Variants in ZHX2 observed in about 807,000 individuals in gnomAD.
ZHX2 encodes zinc fingers and homeoboxes 2.
Under a neutral mutation model 21.9 loss-of-function variants are expected in ZHX2, and 6 were observed. The observed-to-expected ratio is 0.27, with a 90% CI of 0.15 to 0.54. The LOEUF is 0.54. Ranked by LOEUF, ZHX2 falls within the 20% of genes least tolerant of loss-of-function variation. ZHX2 has a pLI of 0.95. For missense variants in ZHX2, 908 were observed against 1,090.7 expected, an observed-to-expected ratio of 0.83 and a Z score of 2.36; for synonymous variants, 434 against 437.1, an observed-to-expected ratio of 0.99 and a Z score of 0.09.
At chr8:122,785,768 A>T (rs947069898) in intron 1 of ZHX2, among the ~76,000 whole-genome samples, 7 of 152,198 alleles carry the variant, frequency 4.6e-5, no homozygotes, top group Non-Finnish European at 7.4e-5. Context: ...AGCAGTGGAC[A>T]GGTACCCTGG....
chr8:122,946,319 T>C (rs1326144493), intron 2 of ZHX2, among the ~76,000 whole-genome samples: 2 of 152,076 alleles, frequency 1.3e-5, no homozygotes, highest in African/African-American at 4.8e-5. Flanking sequence ...GCCAGGATCA[T>C]CCTTCTAAAG....
At chr8:122,785,013 G>A (rs1202427554) in intron 1 of ZHX2, among the ~76,000 whole-genome samples, 1 of 152,210 alleles carries the variant, frequency 6.6e-6, no homozygotes, top group African/African-American at 2.4e-5. Flanking sequence ...CTGCCCTCTA[G>A]GAGTTTGAGC....
At chr8:122,860,745 A>T (rs781280745) in intron 1 of ZHX2, among the ~76,000 whole-genome samples, 3 of 152,032 alleles carry the variant, frequency 2.0e-5, no homozygotes, top group Non-Finnish European at 4.4e-5. Flanking sequence ...GCTGAAATAT[A>T]TCAGAGAGGG....
chr8:122,964,037 G>A (rs1477700706), intron 3 of ZHX2, among the ~76,000 whole-genome samples: 1 of 152,090 alleles, frequency 6.6e-6, no homozygotes, highest in South Asian at 2.1e-4. Flanking sequence ...ATCAGATCTA[G>A]GAGCTTTTTG....
intron 2 of ZHX2, among the ~76,000 whole-genome samples, chr8:122,918,944 C>T (rs1372552125): frequency 6.8e-6 from 1 of 146,820 alleles, no homozygotes; most frequent in Non-Finnish European, 1.5e-5. Flanking sequence ...AAGACTCCAC[C>T]TCAAAAAAAA....
intron 3 of ZHX2, among the ~76,000 whole-genome samples, chr8:122,958,933 G>A (rs530015283): frequency 6.6e-6 from 1 of 152,204 alleles, no homozygotes; most frequent in Admixed American, 6.5e-5. Flanking sequence ...GGTGAGAAAT[G>A]GACATAGAAA....
chr8:122,967,178 G>A (rs761727263), intron 3 of ZHX2, among the ~76,000 whole-genome samples: 36 of 152,298 alleles, frequency 2.4e-4, no homozygotes, highest in Non-Finnish European at 4.6e-4. Context: ...GTTTGAGTCC[G>A]TTGCTAGAGA....
chr8:122,810,235 C>T (rs1817899823), intron 1 of ZHX2, among the ~76,000 whole-genome samples: 1 of 152,158 alleles, frequency 6.6e-6, no homozygotes, highest in African/African-American at 2.4e-5. Flanking sequence ...CACATAAATG[C>T]CCTTCATCTC....
chr8:122,939,623 T>C (rs567073128), intron 2 of ZHX2, among the ~76,000 whole-genome samples: 2 of 152,076 alleles, frequency 1.3e-5, no homozygotes, highest in African/African-American at 2.4e-5. Flanking sequence ...AAAGAGATGC[T>C]TGGAGATGGA....
chr8:122,929,102 T>C (rs556127701), intron 2 of ZHX2, among the ~76,000 whole-genome samples: 1 of 152,318 alleles, frequency 6.6e-6, no homozygotes, highest in South Asian at 2.1e-4. Context: ...AAAACTGAGA[T>C]TTTCTTTTAC....
chr8:122,914,170 T>C (rs1779552062), intron 2 of ZHX2, among the ~76,000 whole-genome samples: 1 of 152,174 alleles, frequency 6.6e-6, no homozygotes, highest in South Asian at 2.1e-4. Context: ...GAGAAGTCTG[T>C]AGAAGGAAGC....
intron 2 of ZHX2, among the ~76,000 whole-genome samples, chr8:122,907,850 A>G (rs1221425178): frequency 5.3e-5 from 8 of 152,342 alleles, no homozygotes; most frequent in Non-Finnish European, 4.4e-5. Context: ...GGCCACTCCC[A>G]GCCCAGCACC....
intron 2 of ZHX2, among the ~76,000 whole-genome samples, chr8:122,872,589 G>A (rs748635710): frequency 2.2e-4 from 34 of 152,076 alleles, no homozygotes; most frequent in African/African-American, 7.5e-4. Context: ...CTAACCCCCC[G>A]TTCCGTGATA....
chr8:122,913,722 G>A (rs1586384019), intron 2 of ZHX2, among the ~76,000 whole-genome samples: 1 of 152,238 alleles, frequency 6.6e-6, no homozygotes, highest in African/African-American at 2.4e-5. Context: ...CAGCAATGGA[G>A]TTTAAATATG....
At chr8:122,796,926 T>C (rs895228068) in intron 1 of ZHX2, among the ~76,000 whole-genome samples, 3 of 152,230 alleles carry the variant, frequency 2.0e-5, no homozygotes, top group East Asian at 1.9e-4. Context: ...AAGTCCGTGC[T>C]GTCTCCAGTA....
At chr8:122,869,073 C>A (rs1819369902) in intron 2 of ZHX2, among the ~76,000 whole-genome samples, 1 of 152,194 alleles carries the variant, frequency 6.6e-6, no homozygotes, top group African/African-American at 2.4e-5. Context: ...TGGCCTGCAA[C>A]CTGGTGAGCT....
chr8:122,834,667 G>A (rs1293953163), intron 1 of ZHX2, among the ~76,000 whole-genome samples: 1 of 152,234 alleles, frequency 6.6e-6, no homozygotes, highest in Non-Finnish European at 1.5e-5. Context: ...TCTGAAGCTT[G>A]TGCCGAATAT....
intron 2 of ZHX2, among the ~76,000 whole-genome samples, chr8:122,888,220 A>G (rs926678671): frequency 2.0e-5 from 3 of 152,080 alleles, no homozygotes; most frequent in African/African-American, 7.3e-5. Context: ...TTCAGAGTCC[A>G]GAAACACAGA....
chr8:122,899,949 T>G (rs1188362361), intron 2 of ZHX2, among the ~76,000 whole-genome samples: 1 of 152,170 alleles, frequency 6.6e-6, no homozygotes, highest in Non-Finnish European at 1.5e-5. Flanking sequence ...TCACATTATG[T>G]TGAGTTTAGG....
Sources: allele counts gnomAD v4.1 joint callset (sites outside exome capture counted in the v4.1 genomes callset), GRCh38; gene constraint gnomAD v4.1.1; transcripts MANE v1.5; gene names NCBI Gene and HGNC (gene_info 2026-07-23, HGNC 2026-07-21).